The following CUL3 variants were observed in gnomAD, a reference collection of about 807,000 sequenced individuals.
CUL3 encodes cullin-3.
CUL3 carries 19 observed loss-of-function variants against 89.1 expected under a neutral mutation model. The observed-to-expected ratio is 0.21, with a 90% CI of 0.15 to 0.31. The LOEUF is 0.31. Ranked by LOEUF, CUL3 falls within the 10% of genes least tolerant of loss-of-function variation. CUL3 has a pLI of 1.00. For missense variants in CUL3, 469 were observed against 942.3 expected, an observed-to-expected ratio of 0.50 and a Z score of 6.58; for synonymous variants, 351 against 308.4, an observed-to-expected ratio of 1.14 and a Z score of -1.45.
At chr2:224,495,561 T>C (rs967732721) in intron 13 of CUL3, 8 of 234,006 alleles carry the variant, frequency 3.4e-5, no homozygotes, top group Non-Finnish European at 6.6e-5. Flanking sequence ...CTTGTGATGG[T>C]AGTTACAAAG....
rs1693705916 is a variant in CUL3 at position 224,531,808 on chromosome 2, T to G, written c.378+3720A>C. Reference sequence around the variant, plus strand: ...TGTAAAAGAATTCCAAGATGAGAGATAAGGATTTCAACAGGGCAGTGACAT... The same window carrying G: ...TGTAAAAGAATTCCAAGATGAGAGAGAAGGATTTCAACAGGGCAGTGACAT... On this transcript the variant is annotated intron_variant, in intron 3 of 15. Transcript: ENST00000264414. Among the ~76,000 whole-genome samples the G allele has an allele frequency of 1.3e-5, 2 of 151,922 alleles. 1 individual carries two copies. Among genetic ancestry groups the G allele is most frequent in the South Asian group, 4.1e-4 (2 of 4,820 alleles).
At chr2:224,511,848 A>T (rs1197154483) in intron 5 of CUL3, among the ~76,000 whole-genome samples, 1 of 152,202 alleles carries the variant, frequency 6.6e-6, no homozygotes, top group Non-Finnish European at 1.5e-5. Context: ...AAATAGCAGA[A>T]CAAGTATATA....
chr2:224,524,763 A>G (rs1377921505), intron 3 of CUL3, among the ~76,000 whole-genome samples: 2 of 152,196 alleles, frequency 1.3e-5, no homozygotes, highest in Non-Finnish European at 2.9e-5. Flanking sequence ...TCAAATTTTA[A>G]AACACCATGC....
intron 3 of CUL3, among the ~76,000 whole-genome samples, chr2:224,530,746 A>G (rs1303915702): frequency 6.6e-6 from 1 of 152,094 alleles, no homozygotes; most frequent in Non-Finnish European, 1.5e-5. Context: ...ATCTCTACCA[A>G]AAATACAAAA....
intron 1 of CUL3, among the ~76,000 whole-genome samples, chr2:224,577,613 G>A (rs1695332971): frequency 6.6e-6 from 1 of 151,244 alleles, no homozygotes; most frequent in African/African-American, 2.4e-5. Flanking sequence ...ACATGGAGCT[G>A]GTATTCAAGC....
rs1240451559 is a variant in CUL3, at chr2:224,523,049, A to T, written c.379-8277T>A. ...TAATCTAGAGGTCAGAGGGAAAAAA[A>T]ACAGTTAATCACACTTTGAGGTCTT... On this transcript the variant is annotated intron_variant, in intron 3 of 15. Coordinates refer to ENST00000264414, the MANE Select transcript of CUL3 (RefSeq NM_003590.5). Among the ~76,000 whole-genome samples, 5 of 152,326 alleles carry T rather than the reference A, an allele frequency of 3.3e-5. No individual in the cohort carries two copies. The East Asian group carries it at 9.6e-4, about 29-fold the overall frequency.
intron 10 of CUL3, among the ~76,000 whole-genome samples, chr2:224,502,448 C>T (rs866225526): frequency 3.1e-4 from 47 of 152,298 alleles, no homozygotes; most frequent in African/African-American, 1.1e-3. Flanking sequence ...TTATACCAAA[C>T]ACATTTATAA....
intron 2 of CUL3, among the ~76,000 whole-genome samples, chr2:224,541,410 T>C (rs914745267): frequency 2.6e-5 from 4 of 152,192 alleles, no homozygotes; most frequent in Non-Finnish European, 1.5e-5. Context: ...CCCATCAGAA[T>C]GGCTAAAACA....
Position 224,494,063 on chromosome 2 carries a change from C to T in CUL3, c.1842+1769G>A, listed in dbSNP as rs142262650. ...ATTTAGCCACTGAGCTACTAAAATA[C>T]CTAGATTTCAAGCATTCCCTTTAAA... On this transcript the variant is annotated intron_variant, in intron 13 of 15. Transcript: ENST00000264414. Among the ~76,000 whole-genome samples, 784 of 152,250 alleles carry T rather than the reference C, an allele frequency of 5.1e-3. 3 individuals carry two copies. The highest frequency in any genetic ancestry group is 0.018 in the African/African-American group (746 of 41,552).
chr2:224,470,798 T>C lies in CUL3; in HGVS notation c.*3447A>G, dbSNP rs1004913876. 4.3e-6 allele frequency: 1 copy of C among 231,246 alleles called. No homozygotes were observed. The highest frequency in any genetic ancestry group is 8.6e-6 in the Non-Finnish European group (1 of 116,894). The allele number at this position is 231,246 out of a possible 1,614,324, so 14.3% of individuals were successfully genotyped here. ...CAAAATTCCATATTGCAATGCTTCA[T>C]GTATTAACTTTAGTTTGTCACATTA... On this transcript the variant is annotated 3_prime_UTR_variant, in exon 16 of 16. Transcript: ENST00000264414.
chr2:224,503,941 A>G, intron 8 of CUL3, 119 bp from the exon 9 acceptor site: 1 of 748,214 alleles, frequency 1.3e-6, no homozygotes, highest in East Asian at 2.9e-5. Flanking sequence ...GTTGACATAC[A>G]TCAAAAAAAG....
intron 2 of CUL3, among the ~76,000 whole-genome samples, chr2:224,541,995 T>G (rs923451548): frequency 1.5e-4 from 23 of 152,162 alleles, no homozygotes; most frequent in Non-Finnish European, 2.9e-5. Context: ...TCTTTATGTG[T>G]GCTGAAATTC....
chr2:224,535,603 A>C lies in CUL3; in HGVS notation c.303T>G (p.Phe101Leu). The change falls in exon 3 of 16, where the codon TTT (phenylalanine) becomes TTG (leucine). Residue 101 changes from phenylalanine to leucine, a missense_variant. Physicochemically the swap from Phe to Leu is conservative, Grantham distance 22 (BLOSUM62 0). Transcript: ENST00000264414. ...TCCAAGCTTGATTTAGCGTTTGAAG[A>C]AAGTTGTTATTCAATGAATTTAGTA... Reference protein sequence around the residue: ...EDVLNSLNNNFLQTLNQAWND... With the variant: ...EDVLNSLNNNLLQTLNQAWND... 6.2e-7 allele frequency: 1 copy of C among 1,613,442 alleles called. No homozygotes were observed. The highest frequency in any genetic ancestry group is 8.5e-7 in the Non-Finnish European group (1 of 1,179,676).
chr2:224,470,562 A>T lies in CUL3; in HGVS notation c.*3683T>A. The T allele has an allele frequency of 4.3e-6, 1 of 231,858 alleles. No homozygotes were observed. Among genetic ancestry groups the T allele is most frequent in the East Asian group, 6.1e-5 (1 of 16,330 alleles). The allele number at this position is 231,858 out of a possible 1,614,324, so 14.4% of individuals were successfully genotyped here. A position where few individuals can be genotyped will look rare whatever the true frequency, so the allele number is the denominator to read the frequency against. On this transcript the variant is annotated 3_prime_UTR_variant, in exon 16 of 16. Transcript: ENST00000264414. ...GACATAGGAAAGGCACACAAAGGAA[A>T]ACATTTTGTAAAACTGTAGATTTGA... is the stretch of plus-strand genomic sequence containing the variant.
At chr2:224,529,189 G>A (rs950503675) in intron 3 of CUL3, among the ~76,000 whole-genome samples, 7 of 151,902 alleles carry the variant, frequency 4.6e-5, no homozygotes, top group African/African-American at 7.3e-5. Flanking sequence ...GTAATATAAC[G>A]TATATAACAA....
Position 224,517,077 on chromosome 2 carries a change from C to T in CUL3, c.379-2305G>A, listed in dbSNP as rs181379010. On this transcript the variant is annotated intron_variant, in intron 3 of 15. Transcript: ENST00000264414. ...ATAAATTTAATAATTCAAAAACCAA[C>T]AAGAATCCCTTTTATTATAAAAATA... 1.3e-4 allele frequency among the ~76,000 whole-genome samples: 20 copies of T among 152,224 alleles called. No homozygotes were observed. The East Asian group carries it at 2.7e-3, about 21-fold the overall frequency.
intron 12 of CUL3, 125 bp from the exon 13 acceptor site, chr2:224,496,091 C>T (rs903577278): frequency 1.1e-5 from 11 of 1,004,282 alleles, no homozygotes; most frequent in Non-Finnish European, 1.3e-5. Flanking sequence ...AGTGCAGTGG[C>T]GCAAACACAG....
At chr2:224,541,293 A>T (rs140413312) in intron 2 of CUL3, among the ~76,000 whole-genome samples, 1,629 of 152,256 alleles carry the variant, frequency 0.011, 31 homozygotes, top group Non-Finnish European at 0.011. Context: ...TTGAACAGAC[A>T]CTTCACCAAA....
intron 11 of CUL3, 65 bp from the exon 12 acceptor site, chr2:224,497,914 C>G (rs555866425): frequency 4.4e-5 from 53 of 1,195,240 alleles, no homozygotes; most frequent in Non-Finnish European, 6.2e-5. Flanking sequence ...TTACAAACTA[C>G]AGGATAACAT....
Sources: gnomAD v4.1 joint callset for allele counts (sites outside exome capture counted in the v4.1 genomes callset) on GRCh38, gnomAD v4.1.1 for gene constraint, MANE v1.5 for transcripts, NCBI Gene and HGNC (gene_info 2026-07-23, HGNC 2026-07-21) for gene names.